Variants in CTNNA2 observed in about 807,000 individuals in gnomAD.
CTNNA2 encodes the protein catenin alpha 2, also known as catenin alpha-2.
CTNNA2 carries 42 observed loss-of-function variants against 101.0 expected under a neutral mutation model. The observed-to-expected ratio is 0.42, with a 90% CI of 0.32 to 0.54. The LOEUF (loss-of-function observed/expected upper bound fraction) is 0.54. Among genes scored for constraint, CTNNA2 ranks in the 20% least tolerant of loss-of-function variants. The pLI, the probability that CTNNA2 is intolerant of heterozygous loss-of-function variation, is 0.14. For synonymous variants in CTNNA2, 450 were observed against 456.4 expected (o/e 0.99, Z 0.18); for missense variants, 871 against 1,223.1 (o/e 0.71, Z 4.29).
At chr2:79,606,338 G>T (rs1219316489) in intron 1 of CTNNA2, among the ~76,000 whole-genome samples, 1 of 152,160 alleles carries the variant, frequency 6.6e-6, no homozygotes, top group East Asian at 1.9e-4. Context: ...CGCAATCTCG[G>T]CTCACTGCAA....
intron 9 of CTNNA2, among the ~76,000 whole-genome samples, chr2:80,532,007 T>C (rs1259362689): frequency 6.6e-6 from 1 of 152,170 alleles, no homozygotes; most frequent in East Asian, 1.9e-4. Context: ...GCAAAAGCAG[T>C]CATAGGCAAT....
intron 2 of CTNNA2, among the ~76,000 whole-genome samples, chr2:79,274,796 T>C (rs1675171081): frequency 6.6e-6 from 1 of 152,114 alleles, no homozygotes; most frequent in Admixed American, 6.6e-5. Flanking sequence ...AAATATATGA[T>C]AATTTATAAA....
In CTNNA2 at chr2:79,407,583, G is replaced by C. The variant is rs146333680; in HGVS notation, c.-135+33570G>C. Among the ~76,000 whole-genome samples, 40 of 151,916 alleles carry C rather than the reference G, an allele frequency of 2.6e-4. No homozygotes were observed. The East Asian group carries it at 7.6e-3, about 29-fold the overall frequency. ...CTGTCATGCTCTTACCCTCTCCATA[G>C]TACCCTCTAGCAATGAAGAGGAAGA... On this transcript the variant is annotated intron_variant, in intron 4 of 21. Coordinates refer to the CTNNA2 transcript ENST00000466387.
intron 8 of CTNNA2, among the ~76,000 whole-genome samples, chr2:80,407,388 A>C (rs539306961): frequency 6.6e-6 from 1 of 152,248 alleles, no homozygotes; most frequent in African/African-American, 2.4e-5. Flanking sequence ...TGAGAGGCAT[A>C]TAAGACTAAA....
intron 7 of CTNNA2, among the ~76,000 whole-genome samples, chr2:80,190,294 G>A (rs1202409845): frequency 1.3e-5 from 2 of 152,034 alleles, no homozygotes; most frequent in African/African-American, 4.8e-5. Context: ...CATCTTACCT[G>A]CAGAAGTGGT....
Position 80,302,765 on chromosome 2 carries a change from T to C in CTNNA2, c.1057-90446T>C, listed in dbSNP as rs1676471215. The C allele has an allele frequency of 6.2e-7, 1 of 1,613,194 alleles. No homozygotes were observed. The highest frequency in any genetic ancestry group is 1.7e-5 in the Admixed American group (1 of 59,990). Reference sequence around the variant, plus strand: ...GAAGGCGTACACGGCGTCCAGGACGTCCTCGCCCTGTGCGTACTCCGGGCT... The same window carrying C: ...GAAGGCGTACACGGCGTCCAGGACGCCCTCGCCCTGTGCGTACTCCGGGCT... On this transcript the variant is annotated intron_variant, in intron 7 of 18. Coordinates refer to ENST00000402739, the MANE Select transcript of CTNNA2 (RefSeq NM_001282597.3). This position sits in a 1 kb window ranked among gnomAD's most constrained non-coding sequence, Gnocchi z 6.4.
rs564937033 is a variant in CTNNA2 at position 80,366,911 on chromosome 2, G to A, written c.1057-26300G>A. On this transcript the variant is annotated intron_variant, in intron 7 of 18. Coordinates refer to ENST00000402739, the MANE Select transcript of CTNNA2 (RefSeq NM_001282597.3). ...AGACATCAATCAATATATGACAGAT[G>A]TACATTGATTCCATTGGTTCCATCC... Among the ~76,000 whole-genome samples the A allele has an allele frequency of 2.6e-5, 4 of 152,094 alleles. No individual in the cohort carries two copies. In the East Asian group the frequency reaches 7.7e-4, roughly 29 times the overall value.
At chr2:79,361,368 T>C (rs1677625060) in intron 3 of CTNNA2, among the ~76,000 whole-genome samples, 1 of 152,104 alleles carries the variant, frequency 6.6e-6, no homozygotes, top group Admixed American at 6.5e-5. Context: ...AGCTTCCCAT[T>C]TGGCAGAAAA....
At chr2:80,143,730 A>T (rs1185989435) in intron 7 of CTNNA2, among the ~76,000 whole-genome samples, 1 of 152,200 alleles carries the variant, frequency 6.6e-6, no homozygotes, top group Non-Finnish European at 1.5e-5. Context: ...CCCTAAGTGT[A>T]ACTTGAAACT....
At chr2:80,356,583 G>A (rs1276622524) in intron 7 of CTNNA2, among the ~76,000 whole-genome samples, 3 of 152,176 alleles carry the variant, frequency 2.0e-5, no homozygotes, top group Non-Finnish European at 4.4e-5. Context: ...CAAGGTTTGA[G>A]AGTGCAGAAA....
chr2:80,448,686 C>T (rs1035028163), intron 9 of CTNNA2, among the ~76,000 whole-genome samples: 3 of 152,048 alleles, frequency 2.0e-5, no homozygotes, highest in East Asian at 1.9e-4. Context: ...TTTATTTATA[C>T]CCTGAATATC....
rs539986795 is a variant in CTNNA2, at chr2:79,338,450, C to T, written c.-318+25654C>T. 6.1e-4 allele frequency among the ~76,000 whole-genome samples: 93 copies of T among 151,998 alleles called. 6 individuals are homozygous for T. In the South Asian group the frequency reaches 0.019, roughly 32 times the overall value. ...CTAGTGCAGGGAATGAAAAAGAGAA[C>T]TATGTGAAACAAGATGGGAGGGTGA... is the stretch of plus-strand genomic sequence containing the variant. On this transcript the variant is annotated intron_variant, in intron 3 of 21. Coordinates refer to the CTNNA2 transcript ENST00000466387.
At chr2:80,168,746 A>G (rs1048261285) in intron 7 of CTNNA2, among the ~76,000 whole-genome samples, 2 of 152,064 alleles carry the variant, frequency 1.3e-5, no homozygotes, top group Non-Finnish European at 1.5e-5. Flanking sequence ...CAGATTGTCT[A>G]TGGGTGGGAC....
chr2:79,962,034 T>A (rs1289466643), intron 7 of CTNNA2, among the ~76,000 whole-genome samples: 1 of 152,226 alleles, frequency 6.6e-6, no homozygotes, highest in African/African-American at 2.4e-5. Flanking sequence ...TCACAATAAC[T>A]AGCTCTTCGT....
intron 9 of CTNNA2, among the ~76,000 whole-genome samples, chr2:80,543,977 G>A (rs1691812994): frequency 6.6e-6 from 1 of 152,026 alleles, no homozygotes; most frequent in South Asian, 2.1e-4. Context: ...CTTGATACCA[G>A]CCTGATGGGA....
chr2:79,192,160 C>A (rs1225770727), intron 1 of CTNNA2, among the ~76,000 whole-genome samples: 1 of 151,634 alleles, frequency 6.6e-6, no homozygotes, highest in Non-Finnish European at 1.5e-5. Context: ...GGGGGTGTAA[C>A]GAGGCGTGAC....
At chr2:79,294,096 A>C (rs1008131909) in intron 2 of CTNNA2, among the ~76,000 whole-genome samples, 29 of 152,058 alleles carry the variant, frequency 1.9e-4, no homozygotes, top group Non-Finnish European at 3.8e-4. Context: ...AAGACTGGGA[A>C]GTCCAAGATT....
intron 3 of CTNNA2, among the ~76,000 whole-genome samples, chr2:79,363,556 C>G: frequency 7.8e-6 from 1 of 128,992 alleles, no homozygotes; most frequent in African/African-American, 2.7e-5. Flanking sequence ...CTATAACCTT[C>G]CCCCAGCAAA....
At chr2:80,110,456 C>T (rs1701145622) in intron 7 of CTNNA2, among the ~76,000 whole-genome samples, 1 of 152,186 alleles carries the variant, frequency 6.6e-6, no homozygotes, top group African/African-American at 2.4e-5. Flanking sequence ...TGCCTCATAT[C>T]CCATTAGTCC....
Sources: gnomAD v4.1 joint callset for allele counts (sites outside exome capture counted in the v4.1 genomes callset) on GRCh38, gnomAD v4.1.1 for gene constraint, Gnocchi (gnomAD v3.1) non-coding constraint, MANE v1.5 for transcripts, NCBI Gene and HGNC (gene_info 2026-07-23, HGNC 2026-07-21) for gene names.